CHCHD3: variants seen among roughly 807,000 people sequenced by gnomAD.
CHCHD3 encodes coiled-coil-helix-coiled-coil-helix domain containing 3, also known as MICOS complex subunit MIC19.
A neutral mutation model predicts 38.2 loss-of-function variants in CHCHD3; 20 were observed. That is an observed-to-expected ratio of 0.52 (90% CI 0.37 to 0.76). The LOEUF is 0.76. Among genes scored for constraint, CHCHD3 ranks in the 30% least tolerant of loss-of-function variants. CHCHD3 has a pLI of 0.00. For synonymous variants in CHCHD3, 82 were observed against 100.0 expected (o/e 0.82, Z 1.07); for missense variants, 245 against 279.2 (o/e 0.88, Z 0.87).
intron 4 of CHCHD3, among the ~76,000 whole-genome samples, chr7:132,895,278 C>T (rs567489914): frequency 1.2e-3 from 181 of 152,310 alleles, no homozygotes; most frequent in Non-Finnish European, 2.3e-3. Flanking sequence ...GATTCTCATC[C>T]TTGGCACTAT....
intron 3 of CHCHD3, among the ~76,000 whole-genome samples, chr7:132,985,134 C>T (rs534134421): frequency 4.6e-5 from 4 of 86,268 alleles, no homozygotes; most frequent in Admixed American, 2.3e-4. Context: ...CGCCTCTGCC[C>T]GGCCGCCCCT....
intron 5 of CHCHD3, among the ~76,000 whole-genome samples, chr7:132,853,577 G>A (rs189157117): frequency 9.4e-4 from 143 of 152,164 alleles, no homozygotes; most frequent in African/African-American, 3.1e-3. Context: ...AGCTGAGATC[G>A]CGCCACTGCA....
intron 2 of CHCHD3, among the ~76,000 whole-genome samples, chr7:133,033,456 C>G (rs1347897563): frequency 6.6e-6 from 1 of 152,120 alleles, no homozygotes; most frequent in African/African-American, 2.4e-5. Context: ...TGGTGCCGTA[C>G]TCCTCAAGTG....
intron 5 of CHCHD3, among the ~76,000 whole-genome samples, chr7:132,881,370 C>T (rs1204531314): frequency 6.6e-6 from 1 of 152,138 alleles, no homozygotes; most frequent in Non-Finnish European, 1.5e-5. Context: ...AAATGTACTT[C>T]ACATGTTCAG....
chr7:132,949,368 C>T (rs1810983507), intron 4 of CHCHD3, among the ~76,000 whole-genome samples: 2 of 152,082 alleles, frequency 1.3e-5, no homozygotes, highest in African/African-American at 4.8e-5. Flanking sequence ...CTACTCAATC[C>T]CACTGCCCGG....
intron 4 of CHCHD3, among the ~76,000 whole-genome samples, chr7:132,916,866 C>A (rs1242803853): frequency 6.6e-6 from 1 of 152,150 alleles, no homozygotes; most frequent in African/African-American, 2.4e-5. Context: ...TAGGTGTGAA[C>A]CACCATGCCT....
chr7:132,900,927 G>A lies in CHCHD3; in HGVS notation c.370-15182C>T, dbSNP rs139996694. ...AATTGCTTGAACCGGGGAGGCGGAC[G>A]TTGCAGTGAGCCGAGATAGCACCAC... is the stretch of plus-strand genomic sequence containing the variant. On this transcript the variant is annotated intron_variant, in intron 4 of 7. Coordinates refer to ENST00000262570, the MANE Select transcript of CHCHD3 (RefSeq NM_017812.4). Among the ~76,000 whole-genome samples the A allele has an allele frequency of 5.1e-3, 784 of 152,280 alleles. 13 individuals carry two copies. The highest frequency in any genetic ancestry group is 0.048 in the East Asian group (250 of 5,168).
chr7:132,988,254 C>A (rs994857506), intron 3 of CHCHD3, among the ~76,000 whole-genome samples: 2 of 151,820 alleles, frequency 1.3e-5, no homozygotes, highest in Non-Finnish European at 2.9e-5. Context: ...AAACTCAGCC[C>A]AACTTCAGAG....
At chr7:132,894,327 A>G (rs1389722864) in intron 4 of CHCHD3, among the ~76,000 whole-genome samples, 1 of 152,080 alleles carries the variant, frequency 6.6e-6, no homozygotes, top group African/African-American at 2.4e-5. Context: ...ACAGTAAGAA[A>G]CTCAGTGAGG....
chr7:132,992,509 T>TTA (rs1812310172), intron 3 of CHCHD3, among the ~76,000 whole-genome samples: 1 of 152,206 alleles, frequency 6.6e-6, no homozygotes, highest in African/African-American at 2.4e-5. Flanking sequence ...GGAGCTGCAA[T>TTA]GTCCAATACA....
At chr7:132,791,816 G>A (rs901108357) in intron 7 of CHCHD3, among the ~76,000 whole-genome samples, 5 of 152,188 alleles carry the variant, frequency 3.3e-5, no homozygotes, top group African/African-American at 1.2e-4. Context: ...CTAGCCTTAA[G>A]TTGGAGAGCT....
Position 132,885,672 on chromosome 7 carries a change from A to G in CHCHD3, c.443T>C (p.Leu148Pro). ...DAFYKEQLAR[L>P]EERSSEFYRV... is the part of the protein sequence containing the mutation. ...AAAAAATAGTCATACCCTCTCCTCC[A>G]GTCTAGCCAGCTGTTCTTTGTAGAA... is the stretch of plus-strand genomic sequence containing the variant. The change falls in exon 5 of 8, where the codon CTG (leucine) becomes CCG (proline). Residue 148 changes from leucine to proline, a missense_variant. Physicochemically the swap from Leu to Pro is moderately conservative, Grantham distance 98. Coordinates refer to ENST00000262570, the MANE Select transcript of CHCHD3 (RefSeq NM_017812.4). 6.2e-7 allele frequency: 1 copy of G among 1,605,134 alleles called. No homozygotes were observed. The highest frequency in any genetic ancestry group is 8.5e-7 in the Non-Finnish European group (1 of 1,176,710).
intron 4 of CHCHD3, among the ~76,000 whole-genome samples, chr7:132,917,918 A>C (rs9632764): frequency 0.047 from 7,135 of 151,598 alleles, 376 homozygotes; most frequent in African/African-American, 0.12. Flanking sequence ...AATTATATAC[A>C]TAAAAGCATG....
At chr7:133,081,088 A>G (rs923768358) in intron 1 of CHCHD3, among the ~76,000 whole-genome samples, 1 of 152,188 alleles carries the variant, frequency 6.6e-6, no homozygotes, top group Non-Finnish European at 1.5e-5. Context: ...TATCAGGTGC[A>G]TGCAAAGGGC....
intron 4 of CHCHD3, among the ~76,000 whole-genome samples, chr7:132,921,549 C>T (rs1455053486): frequency 6.6e-6 from 1 of 152,006 alleles, no homozygotes; most frequent in African/African-American, 2.4e-5. Context: ...TATCAACAAT[C>T]CCAATTGATA....
intron 3 of CHCHD3, among the ~76,000 whole-genome samples, chr7:132,977,520 A>G (rs917309721): frequency 1.3e-5 from 2 of 152,252 alleles, no homozygotes; most frequent in African/African-American, 2.4e-5. Flanking sequence ...ACGCATTTGT[A>G]TGGACATCTT....
chr7:133,077,036 G>A lies in CHCHD3; in HGVS notation c.81+4821C>T, dbSNP rs561413893. Among the ~76,000 whole-genome samples, 142 of 148,812 alleles carry A rather than the reference G, an allele frequency of 9.5e-4. 3 individuals are homozygous for A. Among genetic ancestry groups the A allele is most frequent in the African/African-American group, 3.4e-3 (140 of 41,344 alleles). On this transcript the variant is annotated intron_variant, in intron 1 of 7. Coordinates refer to ENST00000262570, the MANE Select transcript of CHCHD3 (RefSeq NM_017812.4). Reference sequence around the variant, plus strand: ...GCTCCAAAAACTGCCATTATTATTTGGGAGAAATTACTCCCAAATAGTTAG... The same window carrying A: ...GCTCCAAAAACTGCCATTATTATTTAGGAGAAATTACTCCCAAATAGTTAG...
At chr7:132,967,449 T>C (rs1196940776) in intron 4 of CHCHD3, among the ~76,000 whole-genome samples, 1 of 151,908 alleles carries the variant, frequency 6.6e-6, no homozygotes. Flanking sequence ...CAATATCTAG[T>C]CAGCATAATA....
At chr7:132,810,747 T>C (rs1288436148) in intron 6 of CHCHD3, among the ~76,000 whole-genome samples, 1 of 152,202 alleles carries the variant, frequency 6.6e-6, no homozygotes, top group Non-Finnish European at 1.5e-5. Flanking sequence ...CCATTAGTTT[T>C]ACATCTCCCT....
Sources: allele counts gnomAD v4.1 joint callset (sites outside exome capture counted in the v4.1 genomes callset), GRCh38; gene constraint gnomAD v4.1.1; transcripts MANE v1.5; gene names NCBI Gene and HGNC (gene_info 2026-07-23, HGNC 2026-07-21).